UCK2: variants seen among roughly 807,000 people sequenced by gnomAD.
The protein encoded by UCK2 is cytidine monophosphokinase 2.
Under a neutral mutation model 30.8 loss-of-function variants are expected in UCK2, and 6 were observed. The observed-to-expected ratio is 0.19, with a 90% CI of 0.11 to 0.38. UCK2 has a LOEUF of 0.38. Among genes scored for constraint, UCK2 ranks in the 10% least tolerant of loss-of-function variants. UCK2 has a pLI of 1.00. For synonymous variants in UCK2, 125 were observed against 133.6 expected, an observed-to-expected ratio of 0.94 and a Z score of 0.45; for missense variants, 210 against 339.8, an observed-to-expected ratio of 0.62 and a Z score of 3.00.
At chr1:165,907,607 T>C (rs1571304361) in intron 6 of UCK2, 77 bp from the exon 7 acceptor site, 12 of 1,533,524 alleles carry the variant, frequency 7.8e-6, no homozygotes, top group Non-Finnish European at 9.7e-6. Flanking sequence ...TGCATGCCCT[T>C]CCCCCAGACA....
intron 1 of UCK2, among the ~76,000 whole-genome samples, chr1:165,861,899 A>G (rs1248146761): frequency 6.6e-6 from 1 of 152,132 alleles, no homozygotes; most frequent in East Asian, 1.9e-4. Context: ...TCATGATACC[A>G]CTTTTAATTT....
At chr1:165,881,801 A>G (rs780988421) in intron 1 of UCK2, among the ~76,000 whole-genome samples, 1 of 152,250 alleles carries the variant, frequency 6.6e-6, no homozygotes, top group Admixed American at 6.5e-5. Context: ...ATGTAATTAC[A>G]TAAACCCAGA....
At chr1:165,905,852 C>A in intron 5 of UCK2, 69 bp from the exon 6 acceptor site, 4 of 1,460,612 alleles carry the variant, frequency 2.7e-6, no homozygotes, top group Non-Finnish European at 2.9e-6. Flanking sequence ...CCCCATATTC[C>A]CTTGGAGAGG....
chr1:165,840,799 G>C (rs1654309129), intron 1 of UCK2, among the ~76,000 whole-genome samples: 1 of 152,122 alleles, frequency 6.6e-6, no homozygotes, highest in African/African-American at 2.4e-5. Flanking sequence ...AAGGTCTCTT[G>C]TTTTGTAGTA....
intron 1 of UCK2, among the ~76,000 whole-genome samples, chr1:165,842,040 C>T (rs1449198312): frequency 6.6e-6 from 1 of 152,190 alleles, no homozygotes; most frequent in Non-Finnish European, 1.5e-5. Flanking sequence ...CACCAGTAAT[C>T]ACCTAGTCTC....
intron 1 of UCK2, among the ~76,000 whole-genome samples, chr1:165,880,300 G>A (rs993287696): frequency 1.3e-5 from 2 of 152,166 alleles, no homozygotes; most frequent in Admixed American, 1.3e-4. Flanking sequence ...TCTTTGCTCA[G>A]TAAACAGGTC....
chr1:165,848,552 A>C (rs1232947153), intron 1 of UCK2, among the ~76,000 whole-genome samples: 1 of 151,182 alleles, frequency 6.6e-6, no homozygotes, highest in African/African-American at 2.5e-5. Context: ...GAATCGCTTG[A>C]ACCCACCGAG....
intron 1 of UCK2, among the ~76,000 whole-genome samples, chr1:165,830,912 ATG>A (rs2101846074): frequency 6.6e-6 from 1 of 152,116 alleles, no homozygotes; most frequent in East Asian, 1.9e-4. Context: ...ATTTTGACCT[ATG>A]TTTAAAACCA....
intron 1 of UCK2, among the ~76,000 whole-genome samples, chr1:165,837,296 A>G (rs1278009640): frequency 2.0e-5 from 3 of 152,198 alleles, no homozygotes; most frequent in African/African-American, 7.2e-5. Flanking sequence ...TTACATTTTG[A>G]CAGTTCTGTA....
At chr1:165,878,477 C>A (rs765659819) in intron 1 of UCK2, among the ~76,000 whole-genome samples, 6 of 151,958 alleles carry the variant, frequency 3.9e-5, no homozygotes, top group African/African-American at 1.5e-4. Context: ...ACTACAGGTG[C>A]GTGCCACCAT....
At chr1:165,836,058 G>A (rs1021760170) in intron 1 of UCK2, among the ~76,000 whole-genome samples, 5 of 152,008 alleles carry the variant, frequency 3.3e-5, no homozygotes, top group Admixed American at 6.6e-5. Context: ...GGGAAACCCC[G>A]TCTCTACTAA....
chr1:165,889,869 T>C (rs1480862008), intron 1 of UCK2, among the ~76,000 whole-genome samples: 1 of 151,948 alleles, frequency 6.6e-6, no homozygotes, highest in African/African-American at 2.4e-5. Flanking sequence ...CAGGCCCCAG[T>C]GTGTGTTGTT....
At chr1:165,836,481 T>G (rs1255593946) in intron 1 of UCK2, among the ~76,000 whole-genome samples, 1 of 152,234 alleles carries the variant, frequency 6.6e-6, no homozygotes, top group Non-Finnish European at 1.5e-5. Context: ...GTTTTTACCT[T>G]TAAAATTATA....
chr1:165,840,108 G>A (rs1366691291), intron 1 of UCK2, among the ~76,000 whole-genome samples: 3 of 152,084 alleles, frequency 2.0e-5, no homozygotes, highest in Admixed American at 6.5e-5. Context: ...TAGTAGAGGC[G>A]GGGTTTCACC....
At chr1:165,878,871 T>C (rs771778079) in intron 1 of UCK2, among the ~76,000 whole-genome samples, 2 of 152,252 alleles carry the variant, frequency 1.3e-5, no homozygotes, top group African/African-American at 2.4e-5. Flanking sequence ...TAAGACTGTT[T>C]AGTTTCACAG....
At chr1:165,832,402 T>C (rs1239097429) in intron 1 of UCK2, among the ~76,000 whole-genome samples, 1 of 152,184 alleles carries the variant, frequency 6.6e-6, no homozygotes, top group Admixed American at 6.5e-5. Context: ...TAAGAAACCA[T>C]GAAAGAAGGT....
chr1:165,860,814 T>C (rs1289336010), intron 1 of UCK2, among the ~76,000 whole-genome samples: 2 of 152,172 alleles, frequency 1.3e-5, no homozygotes, highest in African/African-American at 2.4e-5. Flanking sequence ...GTTTCTATTA[T>C]AATCCTTAGA....
At chr1:165,867,939 A>G (rs187538487) in intron 1 of UCK2, among the ~76,000 whole-genome samples, 6 of 152,350 alleles carry the variant, frequency 3.9e-5, no homozygotes, top group African/African-American at 9.6e-5. Context: ...AAGCATCACT[A>G]TGGCAGCTGT....
chr1:165,911,193 A>G lies in UCK2; in HGVS notation c.*3370A>G, dbSNP rs73031485. ...GCTAGGTAGGTGGGTTATGCGGTTC[A>G]GGACTGCTTCTGGAAGGGACTGCCT... On this transcript the variant is annotated 3_prime_UTR_variant, in exon 7 of 7. Coordinates refer to ENST00000367879, the MANE Select transcript of UCK2 (RefSeq NM_012474.5). 0.031 allele frequency: 4,777 copies of G among 152,400 alleles called. 264 individuals carry two copies. Among genetic ancestry groups the G allele is most frequent in the African/African-American group, 0.11 (4,531 of 41,522 alleles). The allele number at this position is 152,400 out of a possible 1,614,324, so 9.4% of individuals were successfully genotyped here.
Sources: gnomAD v4.1 joint callset for allele counts (sites outside exome capture counted in the v4.1 genomes callset) on GRCh38, gnomAD v4.1.1 for gene constraint, MANE v1.5 for transcripts, NCBI Gene and HGNC (gene_info 2026-07-23, HGNC 2026-07-21) for gene names.